PTPRJ: variants seen among roughly 807,000 people sequenced by gnomAD.
PTPRJ encodes protein tyrosine phosphatase receptor type J, also known as receptor-type tyrosine-protein phosphatase eta.
In PTPRJ, 129 loss-of-function variants were observed where a neutral mutation model predicts 141.3. The ratio of observed to expected loss-of-function variants is 0.91; its 90% CI spans 0.79 to 1.06. The LOEUF (loss-of-function observed/expected upper bound fraction) is 1.06, where lower values mean the gene tolerates loss of function less well. Ranked by LOEUF, PTPRJ falls within the 50% of genes least tolerant of loss-of-function variation. The pLI is 0.00. For synonymous variants in PTPRJ, 610 were observed against 640.5 expected (o/e 0.95, Z 0.72); for missense variants, 1,601 against 1,679.7 (o/e 0.95, Z 0.82).
At chr11:48,107,584 C>A (rs1420149402) in intron 1 of PTPRJ, among the ~76,000 whole-genome samples, 2 of 152,134 alleles carry the variant, frequency 1.3e-5, no homozygotes, top group Non-Finnish European at 2.9e-5. Flanking sequence ...GTGTTTGCTC[C>A]TTTTGTCCAG....
At chr11:48,160,174 C>T (rs938945940) in intron 22 of PTPRJ, 125 bp downstream of exon 22, 5 of 1,315,516 alleles carry the variant, frequency 3.8e-6, no homozygotes, top group African/African-American at 1.5e-5. Context: ...TTGCTGCTTT[C>T]CTTTCAGAAC....
At chr11:48,117,179 C>T (rs1856587677) in intron 3 of PTPRJ, among the ~76,000 whole-genome samples, 1 of 152,148 alleles carries the variant, frequency 6.6e-6, no homozygotes, top group South Asian at 2.1e-4. Context: ...ACACAATATA[C>T]TAAAGCCTAT....
chr11:48,102,109 C>T (rs147020700), intron 1 of PTPRJ, among the ~76,000 whole-genome samples: 3,566 of 152,242 alleles, frequency 0.023, 65 homozygotes, highest in Non-Finnish European at 0.038. Context: ...TCTTCAGGGA[C>T]ATTTGGGGAC....
At chr11:48,165,010 A>G (rs559347905) in intron 24 of PTPRJ, among the ~76,000 whole-genome samples, 7 of 152,324 alleles carry the variant, frequency 4.6e-5, no homozygotes, top group African/African-American at 1.4e-4. Flanking sequence ...AAATTACCCA[A>G]TACAAGTGAC....
In PTPRJ at chr11:48,168,490, G is replaced by A. The variant is rs1328383355; in HGVS notation, c.*1128G>A. ...AATCCCTCCTTCCCCAAAGTCCACT[G>A]GCTTTCGTCTCTCTCTGCCGTGACA... On this transcript the variant is annotated 3_prime_UTR_variant, in exon 25 of 25. Coordinates refer to ENST00000418331, the MANE Select transcript of PTPRJ (RefSeq NM_002843.4). The A allele has an allele frequency of 7.5e-6, 1 of 132,704 alleles. No homozygotes were observed. Among genetic ancestry groups the A allele is most frequent in the African/African-American group, 2.9e-5 (1 of 34,580 alleles). 8.2% of individuals were successfully genotyped at this position (132,704 alleles called of 1,614,324 possible).
rs773527944 is a variant in PTPRJ at position 48,127,983 on chromosome 11, A to G, written c.1297A>G (p.Thr433Ala). The G allele has an allele frequency of 6.2e-7, 1 of 1,614,060 alleles. No homozygotes were observed. The highest frequency in any genetic ancestry group is 8.5e-7 in the Non-Finnish European group (1 of 1,180,004). ...GLRSSTFYNI[T>A]VCPVLGDIEG... is the part of the protein sequence containing the mutation. Reference sequence around the variant, plus strand: ...CCGCTCCAGCACCTTCTACAACATCACAGTGTGTCCTGTCCTAGGTGACAT... The same window carrying G: ...CCGCTCCAGCACCTTCTACAACATCGCAGTGTGTCCTGTCCTAGGTGACAT... The change falls in exon 7 of 25, where the codon ACA (threonine) becomes GCA (alanine). Residue 433 changes from threonine (T) to alanine (A), a missense_variant. Coordinates refer to ENST00000418331, the MANE Select transcript of PTPRJ (RefSeq NM_002843.4).
intron 1 of PTPRJ, among the ~76,000 whole-genome samples, chr11:48,076,929 G>A (rs1156615050): frequency 2.6e-5 from 4 of 151,870 alleles, no homozygotes; most frequent in South Asian, 2.1e-4. Flanking sequence ...GTGCAATGGC[G>A]CCATCTCAGC....
chr11:48,089,245 G>A (rs1435039118), intron 1 of PTPRJ, among the ~76,000 whole-genome samples: 2 of 152,124 alleles, frequency 1.3e-5, no homozygotes, highest in African/African-American at 2.4e-5. Context: ...AACCAGGAGC[G>A]GTGGCTCACG....
At chr11:48,013,103 C>CAA (rs5791798) in intron 1 of PTPRJ, among the ~76,000 whole-genome samples, 1 of 90,102 alleles carries the variant, frequency 1.1e-5, no homozygotes, top group African/African-American at 4.1e-5. Context: ...GACTCTGTGT[C>CAA]AAAAAAAAAA....
At chr11:48,136,691 T>C (rs1857109435) in intron 9 of PTPRJ, among the ~76,000 whole-genome samples, 1 of 152,244 alleles carries the variant, frequency 6.6e-6, no homozygotes, top group African/African-American at 2.4e-5. Context: ...GATGTTAGTT[T>C]GTAATATGTT....
chr11:48,078,795 G>GTTTT (rs55980751), intron 1 of PTPRJ, among the ~76,000 whole-genome samples: 174 of 96,254 alleles, frequency 1.8e-3, no homozygotes, highest in Non-Finnish European at 2.1e-3. Context: ...TCTGTAAATA[G>GTTTT]TTTTTTTTTT....
intron 2 of PTPRJ, among the ~76,000 whole-genome samples, chr11:48,111,372 G>C (rs1382727072): frequency 6.9e-6 from 1 of 144,904 alleles, no homozygotes; most frequent in Non-Finnish European, 1.5e-5. Context: ...AAAAACCATG[G>C]TTTTTGTTTC....
At chr11:48,165,637 T>C (rs985055125) in intron 24 of PTPRJ, among the ~76,000 whole-genome samples, 5 of 152,070 alleles carry the variant, frequency 3.3e-5, no homozygotes, top group Non-Finnish European at 5.9e-5. Flanking sequence ...TGCTCTGGGG[T>C]GAGCTTGGTG....
intron 1 of PTPRJ, among the ~76,000 whole-genome samples, chr11:48,039,231 CACACTATTTCTTTAATCCTTA>C (rs1285529278): frequency 5.3e-5 from 8 of 151,552 alleles, no homozygotes; most frequent in Non-Finnish European, 1.2e-4. Context: ...CTGCTTTATG[CACACTATTTCTTTAATCCTTA>C]ACACTATTTC....
At chr11:47,993,646 C>G (rs1293228418) in intron 1 of PTPRJ, among the ~76,000 whole-genome samples, 2 of 152,030 alleles carry the variant, frequency 1.3e-5, no homozygotes, top group African/African-American at 4.8e-5. Context: ...AGCTGAGGCT[C>G]TAAGAGGGAG....
intron 1 of PTPRJ, among the ~76,000 whole-genome samples, chr11:48,036,714 T>G (rs67767527): frequency 0.074 from 11,314 of 152,188 alleles, 441 homozygotes; most frequent in Middle Eastern, 0.11. Flanking sequence ...TAAGAGAAAG[T>G]GAGGATTTAA....
intron 1 of PTPRJ, among the ~76,000 whole-genome samples, chr11:48,029,354 T>G (rs1281460255): frequency 6.6e-6 from 1 of 152,218 alleles, no homozygotes; most frequent in African/African-American, 2.4e-5. Context: ...AGGTAATGCA[T>G]TTACATGTTA....
chr11:48,013,974 G>A (rs1000727717), intron 1 of PTPRJ, among the ~76,000 whole-genome samples: 2 of 152,178 alleles, frequency 1.3e-5, no homozygotes, highest in African/African-American at 2.4e-5. Flanking sequence ...ATGTGCAGGG[G>A]CAACCAGAGT....
intron 1 of PTPRJ, among the ~76,000 whole-genome samples, chr11:48,072,411 A>G (rs981029619): frequency 2.6e-5 from 4 of 152,192 alleles, no homozygotes; most frequent in Non-Finnish European, 4.4e-5. Flanking sequence ...CTAATGGCCT[A>G]ATCAGCTCTC....
Sources: gnomAD v4.1 joint callset for allele counts (sites outside exome capture counted in the v4.1 genomes callset) on GRCh38, gnomAD v4.1.1 for gene constraint, MANE v1.5 for transcripts, NCBI Gene and HGNC (gene_info 2026-07-23, HGNC 2026-07-21) for gene names.